MARCHF8: variants seen among roughly 807,000 people sequenced by gnomAD.
The protein encoded by MARCHF8 is membrane associated ring-CH-type finger 8.
MARCHF8 carries 40 observed loss-of-function variants against 51.6 expected under a neutral mutation model. The ratio of observed to expected loss-of-function variants is 0.77; its 90% CI spans 0.60 to 1.01. The LOEUF (loss-of-function observed/expected upper bound fraction) is 1.01. Among genes scored for constraint, MARCHF8 ranks in the 50% least tolerant of loss-of-function variants. MARCHF8 has a pLI of 0.00. For synonymous variants in MARCHF8, 263 were observed against 280.3 expected (o/e 0.94, Z 0.62); for missense variants, 685 against 708.6 (o/e 0.97, Z 0.38).
Position 45,489,357 on chromosome 10 carries a change from G to A in MARCHF8, c.153+10C>T. ...AAGGTAATAAATAACATTTTTCAGT[G>A]GCACTCTACCTTAGAAATGTTGCTT... On this transcript the variant is annotated intron_variant, in intron 3 of 7. Transcript: ENST00000453424. 6.2e-7 allele frequency: 1 copy of A among 1,605,772 alleles called. No individual in the cohort carries two copies. The highest frequency in any genetic ancestry group is 1.1e-5 in the South Asian group (1 of 90,476).
intron 3 of MARCHF8, among the ~76,000 whole-genome samples, chr10:45,464,565 C>A (rs1842907220): frequency 6.6e-6 from 1 of 152,230 alleles, no homozygotes; most frequent in Non-Finnish European, 1.5e-5. Flanking sequence ...CACTACTAAT[C>A]TCTTGCAGGT....
At position 45,463,670 on chromosome 10, in the gene MARCHF8, G is replaced by T; in HGVS notation, c.569C>A (p.Thr190Lys). The T allele has an allele frequency of 6.4e-7, 1 of 1,550,782 alleles. No homozygotes were observed. The highest frequency in any genetic ancestry group is 8.7e-7 in the Non-Finnish European group (1 of 1,147,032). The change falls in exon 5 of 8, where the codon ACG (threonine) becomes AAG (lysine). Residue 190 changes from threonine (T) to lysine (K), a missense_variant. Transcript: ENST00000453424. The stretch of plus-strand genomic sequence containing the variant: ...ATGAAACCTGTTAGTTCTGAGACAC[G>T]TATCTTGAGGGAGTATTAATTTCCC... ...SEGKLILPQD[T>K]CLRTNRFHHK...
chr10:45,559,710 T>C (rs2044288565), intron 1 of MARCHF8, among the ~76,000 whole-genome samples: 1 of 152,326 alleles, frequency 6.6e-6, no homozygotes, highest in East Asian at 1.9e-4. Context: ...CAATTCCTTC[T>C]TGGCTAGAAA....
chr10:45,472,842 G>A (rs1273399232), intron 3 of MARCHF8, among the ~76,000 whole-genome samples: 1 of 152,254 alleles, frequency 6.6e-6, no homozygotes, highest in African/African-American at 2.4e-5. Context: ...GGATTCGAGT[G>A]AGGCTCAGTG....
chr10:45,477,989 TC>T (rs955114334), intron 3 of MARCHF8, among the ~76,000 whole-genome samples: 1 of 152,174 alleles, frequency 6.6e-6, no homozygotes, highest in African/African-American at 2.4e-5. Flanking sequence ...AACACCCCAC[TC>T]CCATCGTTAG....
At chr10:45,470,451 C>G (rs1259536493) in intron 3 of MARCHF8, among the ~76,000 whole-genome samples, 1 of 152,178 alleles carries the variant, frequency 6.6e-6, no homozygotes, top group Non-Finnish European at 1.5e-5. Flanking sequence ...TGCCACCAGT[C>G]AGAGAACGTT....
At chr10:45,537,178 T>G (rs1315177292), upstream of MARCHF8, among the ~76,000 whole-genome samples, 1 of 152,126 alleles carries the variant, frequency 6.6e-6, no homozygotes, top group Non-Finnish European at 1.5e-5. Context: ...ATATGAAAAC[T>G]TGTCCATGAA....
chr10:45,523,616 T>C (rs1010452347), intron 2 of MARCHF8, among the ~76,000 whole-genome samples: 2 of 152,230 alleles, frequency 1.3e-5, no homozygotes, highest in Non-Finnish European at 2.9e-5. Flanking sequence ...TGAAAAATTA[T>C]CTGCCACCTA....
At chr10:45,485,515 T>A (rs1426296090) in intron 3 of MARCHF8, among the ~76,000 whole-genome samples, 1 of 152,130 alleles carries the variant, frequency 6.6e-6, no homozygotes, top group Non-Finnish European at 1.5e-5. Flanking sequence ...CTGCCCACTT[T>A]GAAGAGAGGC....
intron 1 of MARCHF8, among the ~76,000 whole-genome samples, chr10:45,568,715 C>T (rs929378788): frequency 2.1e-4 from 16 of 75,560 alleles, no homozygotes; most frequent in Admixed American, 3.4e-4. Context: ...GAGACTGTTT[C>T]AAAAAAAAAA....
At chr10:45,479,997 G>C (rs146659329) in intron 3 of MARCHF8, among the ~76,000 whole-genome samples, 132 of 152,306 alleles carry the variant, frequency 8.7e-4, no homozygotes, top group African/African-American at 3.0e-3. Context: ...CCAAAATACT[G>C]ATCATGATAT....
At chr10:45,472,627 G>C (rs2042713655) in intron 3 of MARCHF8, among the ~76,000 whole-genome samples, 1 of 152,214 alleles carries the variant, frequency 6.6e-6, no homozygotes, top group African/African-American at 2.4e-5. Flanking sequence ...CTGTATACTT[G>C]TGGAAGAATG....
intron 1 of MARCHF8, among the ~76,000 whole-genome samples, chr10:45,576,848 G>A (rs997491319): frequency 3.3e-5 from 5 of 151,110 alleles, no homozygotes; most frequent in Admixed American, 6.6e-5. Flanking sequence ...TCCCAGCTAC[G>A]CACGAAGCTA....
chr10:45,463,842 C>T lies in MARCHF8; in HGVS notation c.397G>A (p.Gly133Ser). Residue 133 changes from glycine (G) to serine (S), a missense_variant, in exon 5 of 8, where the codon GGT (glycine) becomes AGT (serine). Transcript: ENST00000453424. ...TTCAAGGCCTGGGCCCATTCTGAAC[C>T]AAAGGAATTTCTCTTTGACGCCTGT... ...TLQASKRNSF[G>S]SEWAQALKPA... is the part of the protein sequence containing the mutation. 1 of 1,543,852 alleles carries T rather than the reference C, an allele frequency of 6.5e-7. No individual in the cohort carries two copies. Among genetic ancestry groups the T allele is most frequent in the South Asian group, 1.2e-5 (1 of 84,056 alleles).
At chr10:45,482,929 G>A (rs1489577931) in intron 3 of MARCHF8, among the ~76,000 whole-genome samples, 1 of 152,196 alleles carries the variant, frequency 6.6e-6, no homozygotes, top group Non-Finnish European at 1.5e-5. Context: ...GGGAAAATGA[G>A]AGATCCATAC....
At chr10:45,569,804 G>A (rs1279526209) in intron 1 of MARCHF8, among the ~76,000 whole-genome samples, 2 of 152,070 alleles carry the variant, frequency 1.3e-5, no homozygotes, top group Admixed American at 6.6e-5. Context: ...GATCAATTGT[G>A]TATCAAGGAG....
chr10:45,456,893 A>C lies in MARCHF8; in HGVS notation c.*1346T>G, dbSNP rs539965563. On this transcript the variant is annotated 3_prime_UTR_variant, in exon 8 of 8. Transcript: ENST00000453424. ...TAATCCCTGATGACAGAATGCACTG[A>C]GAGTGGGGCCAAGGGCCCTGAAGGA... 2.0e-5 allele frequency: 3 copies of C among 152,382 alleles called. No homozygotes were observed. Among genetic ancestry groups the C allele is most frequent in the African/African-American group, 4.8e-5 (2 of 41,594 alleles). The allele number at this position is 152,382 out of a possible 1,614,324, so 9.4% of individuals were successfully genotyped here.
At chr10:45,497,902 C>T (rs563063745) in intron 2 of MARCHF8, among the ~76,000 whole-genome samples, 13 of 152,238 alleles carry the variant, frequency 8.5e-5, no homozygotes, top group East Asian at 1.9e-4. Context: ...TTTCTGGCAA[C>T]GTGATTTTGG....
chr10:45,511,485 C>T (rs918903053), intron 2 of MARCHF8, among the ~76,000 whole-genome samples: 12 of 152,222 alleles, frequency 7.9e-5, no homozygotes, highest in Non-Finnish European at 1.8e-4. Context: ...CTGCTGCCAT[C>T]TCGGCTCACT....
Sources: gnomAD v4.1 joint callset for allele counts (sites outside exome capture counted in the v4.1 genomes callset) on GRCh38, gnomAD v4.1.1 for gene constraint, MANE v1.5 for transcripts, NCBI Gene and HGNC (gene_info 2026-07-23, HGNC 2026-07-21) for gene names.